SEC11A: variants seen among roughly 807,000 people sequenced by gnomAD.
The protein encoded by SEC11A is signal peptidase complex catalytic subunit SEC11A.
In SEC11A, 14 loss-of-function variants were observed where a neutral mutation model predicts 25.6. That is an observed-to-expected ratio of 0.55 (90% CI 0.36 to 0.85). The LOEUF (loss-of-function observed/expected upper bound fraction) is 0.85. Among genes scored for constraint, SEC11A ranks in the 40% least tolerant of loss-of-function variants. The probability of loss-of-function intolerance (pLI) is 0.01; values close to 1 mark genes in which losing one functional copy is unlikely to be tolerated. For synonymous variants in SEC11A, 83 were observed against 76.4 expected (o/e 1.09, Z -0.45); for missense variants, 153 against 222.9 (o/e 0.69, Z 2.00).
intron 3 of SEC11A, chr15:84,686,645 C>T (rs1325680708): frequency 6.6e-6 from 1 of 152,138 alleles, no homozygotes; most frequent in Non-Finnish European, 1.5e-5. Context: ...ATCATGCCTA[C>T]TCTTTCACTT....
At chr15:84,713,291 C>T (rs1211594533) in intron 1 of SEC11A, among the ~76,000 whole-genome samples, 1 of 144,232 alleles carries the variant, frequency 6.9e-6, no homozygotes, top group Non-Finnish European at 1.5e-5. Flanking sequence ...AAAAAAAAAA[C>T]AAAAACTCAA....
chr15:84,694,287 G>A (rs111783599), intron 1 of SEC11A, among the ~76,000 whole-genome samples: 39,794 of 151,724 alleles, frequency 0.26, 5,553 homozygotes, highest in East Asian at 0.44. Context: ...CCCAGGAGGC[G>A]GGGGTTGCAG....
rs1051027278 is a variant in SEC11A, at chr15:84,670,758, C to A, written c.456G>T (p.Val152=). Residue 152 remains valine (V), a synonymous_variant, in exon 5 of 6, where the codon GTG becomes GTT. Coordinates refer to ENST00000268220, the MANE Select transcript of SEC11A (RefSeq NM_014300.4). ...TAGGATAGTCATTCATGAGGATCGT[C>A]ACAATTCCAATATAAGGAACAAATC... ...ARGFVPYIGI[V]TILMNDYPKF... is the part of the protein sequence containing the mutation. 6.8e-7 allele frequency: 1 copy of A among 1,460,362 alleles called. No homozygotes were observed. Among genetic ancestry groups the A allele is most frequent in the Non-Finnish European group, 9.4e-7 (1 of 1,067,818 alleles). 90.5% of individuals were successfully genotyped at this position (1,460,362 alleles called of 1,614,324 possible). A position where few individuals can be genotyped will look rare whatever the true frequency, so the allele number is the denominator to read the frequency against.
intron 4 of SEC11A, chr15:84,673,914 T>C (rs1454333443): frequency 6.6e-6 from 1 of 151,598 alleles, no homozygotes; most frequent in African/African-American, 2.4e-5. Flanking sequence ...TCTCAAAAAA[T>C]AAAAATAAAA....
At chr15:84,670,819 C>T (rs369384015) in intron 4 of SEC11A, 37 bp from the exon 5 acceptor site, 43 of 1,003,218 alleles carry the variant, frequency 4.3e-5, no homozygotes, top group Non-Finnish European at 5.6e-5. Context: ...ACAGAATTTC[C>T]GATGTAAAGC....
At chr15:84,697,983 T>C (rs142826642) in intron 1 of SEC11A, among the ~76,000 whole-genome samples, 2,538 of 152,306 alleles carry the variant, frequency 0.017, 34 homozygotes, top group Non-Finnish European at 0.022. Flanking sequence ...AGCTGTGATA[T>C]AGGGATTTGT....
At chr15:84,697,345 T>C (rs1489505435) in intron 1 of SEC11A, among the ~76,000 whole-genome samples, 1 of 152,248 alleles carries the variant, frequency 6.6e-6, no homozygotes, top group African/African-American at 2.4e-5. Context: ...ATCCCAGCCA[T>C]AATTATCCTT....
intron 1 of SEC11A, among the ~76,000 whole-genome samples, chr15:84,692,685 G>C (rs1430163476): frequency 6.6e-6 from 1 of 152,282 alleles, no homozygotes; most frequent in Admixed American, 6.5e-5. Flanking sequence ...GCTGGAAAAA[G>C]TATAGAGAGG....
Position 84,687,613 on chromosome 15 carries a change from C to T in SEC11A, c.311+12G>A. Reference sequence around the variant, plus strand: ...AGCACTTAGAAACAAAGATGCTATACTTTGCACATACTTTTCATGAATCTT... The same window carrying T: ...AGCACTTAGAAACAAAGATGCTATATTTTGCACATACTTTTCATGAATCTT... On this transcript the variant is annotated intron_variant, in intron 3 of 5. Coordinates refer to ENST00000268220, the MANE Select transcript of SEC11A (RefSeq NM_014300.4). 1 of 1,563,198 alleles carries T rather than the reference C, an allele frequency of 6.4e-7. No homozygotes were observed. Among genetic ancestry groups the T allele is most frequent in the Non-Finnish European group, 8.6e-7 (1 of 1,165,510 alleles).
chr15:84,673,455 C>T (rs899507429), intron 4 of SEC11A: 1 of 184,168 alleles, frequency 5.4e-6, no homozygotes, highest in African/African-American at 2.4e-5. Flanking sequence ...AAGAACTCCC[C>T]TCACTTCCTG....
At chr15:84,707,347 A>G (rs1303701360) in intron 1 of SEC11A, among the ~76,000 whole-genome samples, 2 of 151,870 alleles carry the variant, frequency 1.3e-5, no homozygotes, top group Non-Finnish European at 2.9e-5. Flanking sequence ...CACCAGGCTC[A>G]GCTAATTTTT....
intron 1 of SEC11A, chr15:84,692,189 C>A (rs1897632138): frequency 1.3e-5 from 2 of 151,830 alleles, no homozygotes; most frequent in Admixed American, 1.3e-4. Flanking sequence ...GTCATCACGC[C>A]CAGCTAATTT....
In SEC11A at chr15:84,669,778, G is replaced by C. The variant is rs16974489; in HGVS notation, c.*241C>G. The C allele has an allele frequency of 7.5e-3, 3,715 of 497,902 alleles. 21 individuals are homozygous for C. The highest frequency in any genetic ancestry group is 0.012 in the East Asian group (350 of 28,674). 30.8% of individuals were successfully genotyped at this position (497,902 alleles called of 1,614,324 possible). A position where few individuals can be genotyped will look rare whatever the true frequency, so the allele number is the denominator to read the frequency against. ...AAAATTCACTGATGTACAAAAATTT[G>C]AAAGTGTGACAATGACAATTATGAA... On this transcript the variant is annotated 3_prime_UTR_variant, in exon 6 of 6. Transcript: ENST00000268220.
intron 1 of SEC11A, among the ~76,000 whole-genome samples, chr15:84,710,813 GA>G (rs1898238112): frequency 6.6e-6 from 1 of 152,022 alleles, no homozygotes; most frequent in African/African-American, 2.4e-5. Flanking sequence ...AATGTGCATT[GA>G]AAAACACACA....
At chr15:84,676,481 T>G (rs1007822178) in intron 4 of SEC11A, among the ~76,000 whole-genome samples, 1 of 150,860 alleles carries the variant, frequency 6.6e-6, no homozygotes, top group Non-Finnish European at 1.5e-5. Flanking sequence ...TTTTTTTTAA[T>G]GCATAAAGGA....
chr15:84,714,490 G>A (rs1898395222), intron 1 of SEC11A, among the ~76,000 whole-genome samples: 1 of 152,186 alleles, frequency 6.6e-6, no homozygotes, highest in South Asian at 2.1e-4. Context: ...TGTCAGTGAA[G>A]TATACACGTA....
At chr15:84,681,561 C>T (rs573996438) in intron 3 of SEC11A, among the ~76,000 whole-genome samples, 4 of 152,070 alleles carry the variant, frequency 2.6e-5, no homozygotes, top group Non-Finnish European at 5.9e-5. Flanking sequence ...ACCCAGGAGG[C>T]GGAGGTTGCA....
At chr15:84,697,459 A>G (rs1163905802) in intron 1 of SEC11A, among the ~76,000 whole-genome samples, 2 of 152,316 alleles carry the variant, frequency 1.3e-5, no homozygotes, top group East Asian at 3.9e-4. Context: ...GAAAGAGGTT[A>G]AAGTTCCTGA....
intron 1 of SEC11A, among the ~76,000 whole-genome samples, chr15:84,703,042 T>C (rs1010027659): frequency 6.6e-6 from 1 of 152,162 alleles, no homozygotes; most frequent in Non-Finnish European, 1.5e-5. Flanking sequence ...GTGTCTGTAA[T>C]GGATAGGGAT....
Sources: allele counts gnomAD v4.1 joint callset (sites outside exome capture counted in the v4.1 genomes callset), GRCh38; gene constraint gnomAD v4.1.1; transcripts MANE v1.5; gene names NCBI Gene and HGNC (gene_info 2026-07-23, HGNC 2026-07-21).